Variants in UGT1A9 observed in about 807,000 individuals in gnomAD.
UGT1A9 encodes UDP-glucuronosyltransferase 1A9.
A neutral mutation model predicts 45.0 loss-of-function variants in UGT1A9; 35 were observed. The observed-to-expected ratio is 0.78, with a 90% CI of 0.59 to 1.03. The LOEUF (loss-of-function observed/expected upper bound fraction) is 1.03, where lower values mean the gene tolerates loss of function less well. Among genes scored for constraint, UGT1A9 ranks in the 50% least tolerant of loss-of-function variants. The probability of loss-of-function intolerance (pLI) is 0.00; values close to 1 mark genes in which losing one functional copy is unlikely to be tolerated. For missense variants in UGT1A9, 687 were observed against 666.6 expected (o/e 1.03, Z -0.34); for synonymous variants, 278 against 250.6 (o/e 1.11, Z -1.03).
intron 1 of UGT1A9, among the ~76,000 whole-genome samples, chr2:233,763,357 C>G (rs1698288561): frequency 6.6e-6 from 1 of 152,176 alleles, no homozygotes; most frequent in Non-Finnish European, 1.5e-5. Flanking sequence ...ATCTTTAGTA[C>G]TCCTTTGTCT....
chr2:233,758,179 A>G (rs1285380219), intron 1 of UGT1A9, among the ~76,000 whole-genome samples: 1 of 152,230 alleles, frequency 6.6e-6, no homozygotes, highest in African/African-American at 2.4e-5. Context: ...CAGAGCAGAT[A>G]TTAATTGGAT....
At chr2:233,690,774 C>T (rs868693123) in intron 1 of UGT1A9, 3 of 1,062,396 alleles carry the variant, frequency 2.8e-6, no homozygotes, top group East Asian at 6.5e-5. Context: ...CACACACACA[C>T]ATACACACAC....
At chr2:233,684,625 A>C (rs2074688730) in intron 1 of UGT1A9, among the ~76,000 whole-genome samples, 1 of 152,192 alleles carries the variant, frequency 6.6e-6, no homozygotes, top group African/African-American at 2.4e-5. Context: ...GTATATCTTC[A>C]GTGGTGTATA....
rs781611946 is a variant in UGT1A9 at position 233,672,209 on chromosome 2, CT to C, written c.279del (p.Phe93LeufsTer17). 10 of 1,614,108 alleles carry C rather than the reference CT, an allele frequency of 6.2e-6. No homozygotes were observed. Among genetic ancestry groups the C allele is most frequent in the Non-Finnish European group, 8.5e-6 (10 of 1,179,964 alleles). ...GAGGATCTGGACCGGGAGTTCAAGG[CT>C]TTTGCCCATGCTCAATGGAAAGCAC... ...TLEDLDREFK[A>X]FAHAQWKAQV... On this transcript the variant is annotated frameshift_variant, in exon 1 of 5. Transcript: ENST00000354728. LOFTEE classifies it high-confidence loss of function.
chr2:233,690,031 G>T (rs749154474), intron 1 of UGT1A9: 7 of 427,522 alleles, frequency 1.6e-5, no homozygotes, highest in Non-Finnish European at 2.8e-5. Context: ...CTCAAGATCT[G>T]GGCCCAGAGC....
intron 1 of UGT1A9, among the ~76,000 whole-genome samples, chr2:233,735,286 T>C (rs1434598699): frequency 2.0e-5 from 3 of 152,196 alleles, no homozygotes; most frequent in African/African-American, 7.2e-5. Flanking sequence ...CTTTGTCTCT[T>C]TTGATTTTTG....
intron 1 of UGT1A9, among the ~76,000 whole-genome samples, chr2:233,674,739 T>G (rs1327619625): frequency 6.6e-6 from 1 of 152,192 alleles, no homozygotes; most frequent in Non-Finnish European, 1.5e-5. Flanking sequence ...TTACATATAT[T>G]AATGTATGTA....
At chr2:233,731,876 G>A (rs2078215412) in intron 1 of UGT1A9, among the ~76,000 whole-genome samples, 1 of 152,166 alleles carries the variant, frequency 6.6e-6, no homozygotes, top group Non-Finnish European at 1.5e-5. Context: ...TTCCACAATG[G>A]TTGAACTAAT....
chr2:233,753,810 A>G (rs1695316193), intron 1 of UGT1A9, among the ~76,000 whole-genome samples: 1 of 152,190 alleles, frequency 6.6e-6, no homozygotes, highest in Non-Finnish European at 1.5e-5. Flanking sequence ...ATAGTTGGAG[A>G]ACCACGTTAG....
intron 1 of UGT1A9, among the ~76,000 whole-genome samples, chr2:233,702,447 T>C (rs1325410425): frequency 1.3e-5 from 2 of 152,174 alleles, no homozygotes; most frequent in African/African-American, 4.8e-5. Flanking sequence ...AAGGATAACA[T>C]TTATTTCTTT....
intron 1 of UGT1A9, among the ~76,000 whole-genome samples, chr2:233,704,802 A>G (rs2075807497): frequency 6.6e-6 from 1 of 152,142 alleles, no homozygotes; most frequent in Non-Finnish European, 1.5e-5. Context: ...ATAATTATAT[A>G]TATGTATATT....
At chr2:233,725,041 G>A (rs1430842810) in intron 1 of UGT1A9, among the ~76,000 whole-genome samples, 13 of 148,226 alleles carry the variant, frequency 8.8e-5, no homozygotes, top group African/African-American at 3.3e-4. Flanking sequence ...ACCAAAACCA[G>A]TCAGGCGTGG....
At chr2:233,722,096 T>C (rs1392126534) in intron 1 of UGT1A9, 1 of 203,514 alleles carries the variant, frequency 4.9e-6, no homozygotes, top group East Asian at 1.4e-4. Context: ...ACCTTAGGCC[T>C]CTTAGAGGAA....
At chr2:233,740,769 G>A (rs1277809292) in intron 1 of UGT1A9, 1 of 151,756 alleles carries the variant, frequency 6.6e-6, no homozygotes, top group African/African-American at 2.4e-5. Flanking sequence ...TCAAACCGTT[G>A]TATAAAAGAT....
At chr2:233,741,626 G>C (rs997188188) in intron 1 of UGT1A9, 2 of 151,868 alleles carry the variant, frequency 1.3e-5, no homozygotes, top group African/African-American at 4.9e-5. Flanking sequence ...GACCCCATGA[G>C]CCCCTGTGGG....
intron 1 of UGT1A9, chr2:233,719,004 A>T: frequency 6.2e-7 from 1 of 1,614,212 alleles, no homozygotes; most frequent in Non-Finnish European, 8.5e-7. Flanking sequence ...GGTGGTCCTC[A>T]CCCCAGAGGT....
chr2:233,759,175 A>G (rs970817812), intron 1 of UGT1A9, among the ~76,000 whole-genome samples: 3 of 152,178 alleles, frequency 2.0e-5, no homozygotes, highest in African/African-American at 7.2e-5. Context: ...GGCAGGTTTC[A>G]CGGCAAAAAG....
rs533404227 is a variant in UGT1A9, at chr2:233,760,412, G to A, written c.856-6622G>A. 5.0e-6 allele frequency: 8 copies of A among 1,614,222 alleles called. No homozygotes were observed. The African/African-American group carries it at 1.1e-4, about 22-fold the overall frequency. Reference sequence around the variant, plus strand: ...CCAGTGGATGGCAGCCACTGGCTGAGCATGCTTGGGGCCATCCAGCAGCTG... The same window carrying A: ...CCAGTGGATGGCAGCCACTGGCTGAACATGCTTGGGGCCATCCAGCAGCTG... On this transcript the variant is annotated intron_variant, in intron 1 of 4. Transcript: ENST00000354728.
At chr2:233,701,918 C>A (rs936190696) in intron 1 of UGT1A9, among the ~76,000 whole-genome samples, 1 of 152,056 alleles carries the variant, frequency 6.6e-6, no homozygotes, top group Non-Finnish European at 1.5e-5. Flanking sequence ...GACACCCTAA[C>A]ATCACAATTA....
Sources: gnomAD v4.1 joint callset for allele counts (sites outside exome capture counted in the v4.1 genomes callset) on GRCh38, gnomAD v4.1.1 for gene constraint, MANE v1.5 for transcripts, NCBI Gene and HGNC (gene_info 2026-07-23, HGNC 2026-07-21) for gene names.